The following RBFOX1 variants were observed in gnomAD, a reference collection of about 807,000 sequenced individuals.
The protein encoded by RBFOX1 is RNA binding fox-1 homolog 1.
RBFOX1 carries 8 observed loss-of-function variants against 57.7 expected under a neutral mutation model. The observed-to-expected ratio is 0.14, with a 90% confidence interval of 0.08 to 0.25. RBFOX1 has a LOEUF of 0.25. Among genes scored for constraint, RBFOX1 ranks in the 10% least tolerant of loss-of-function variants. RBFOX1 has a pLI of 1.00. For missense variants in RBFOX1, 611 were observed against 548.5 expected (o/e 1.11, Z -1.14); for synonymous variants, 326 against 222.4 (o/e 1.47, Z -4.15).
downstream of RBFOX1, among the ~76,000 whole-genome samples, chr16:5,603,617 A>G (rs1037901060): frequency 5.9e-5 from 9 of 152,208 alleles, no homozygotes; most frequent in African/African-American, 2.2e-4. Context: ...CCCTCGATAC[A>G]TCAAATACAG....
intron 4 of RBFOX1, among the ~76,000 whole-genome samples, chr16:7,115,908 C>A (rs910653177): frequency 3.9e-5 from 6 of 152,114 alleles, no homozygotes; most frequent in Non-Finnish European, 7.4e-5. Context: ...AGCAGTGATG[C>A]GTATAATAGG....
chr16:6,691,985 A>AT (rs1480539356), intron 3 of RBFOX1, among the ~76,000 whole-genome samples: 8 of 152,020 alleles, frequency 5.3e-5, no homozygotes, highest in Non-Finnish European at 1.2e-4. Flanking sequence ...AGGGACATGG[A>AT]TTTTTCCCCT....
chr16:6,382,581 TG>T (rs1317316091), intron 2 of RBFOX1, among the ~76,000 whole-genome samples: 1 of 152,146 alleles, frequency 6.6e-6, no homozygotes, highest in East Asian at 1.9e-4. Context: ...CTTTTAAGAC[TG>T]GGTGCAGTGG....
chr16:6,929,277 G>A (rs1433348435), intron 3 of RBFOX1, among the ~76,000 whole-genome samples: 1 of 152,140 alleles, frequency 6.6e-6, no homozygotes, highest in Admixed American at 6.5e-5. Context: ...TGGATTAGAG[G>A]TAGGAAACTG....
At chr16:7,665,759 T>C (rs954490002) in intron 13 of RBFOX1, among the ~76,000 whole-genome samples, 1 of 152,174 alleles carries the variant, frequency 6.6e-6, no homozygotes, top group African/African-American at 2.4e-5. Flanking sequence ...AAATCACAAT[T>C]TTTATTACAA....
At chr16:5,787,307 C>T (rs942442365) in intron 3 of RBFOX1, among the ~76,000 whole-genome samples, 5 of 152,140 alleles carry the variant, frequency 3.3e-5, no homozygotes, top group African/African-American at 1.2e-4. Flanking sequence ...TCAGAGGTGT[C>T]CTCCAGTGCA....
At chr16:5,693,372 A>AC (rs1555502864) in intron 3 of RBFOX1, among the ~76,000 whole-genome samples, 5 of 151,926 alleles carry the variant, frequency 3.3e-5, no homozygotes, top group East Asian at 3.9e-4. Context: ...CAGATCAAAA[A>AC]AAAAACAAAA....
intron 1 of RBFOX1, among the ~76,000 whole-genome samples, chr16:5,464,270 G>T (rs1158895641): frequency 6.6e-6 from 1 of 152,270 alleles, no homozygotes; most frequent in African/African-American, 2.4e-5. Flanking sequence ...GAACTGCACA[G>T]TCAGGGGTCC....
chr16:7,245,013 G>A (rs1020888976), intron 4 of RBFOX1, among the ~76,000 whole-genome samples: 1 of 152,164 alleles, frequency 6.6e-6, no homozygotes, highest in African/African-American at 2.4e-5. Context: ...CTCCTCAGCT[G>A]CATACCATTT....
chr16:6,119,841 A>G (rs1376048203), intron 1 of RBFOX1, among the ~76,000 whole-genome samples: 1 of 152,164 alleles, frequency 6.6e-6, no homozygotes, highest in African/African-American at 2.4e-5. Context: ...GGAATTTAGC[A>G]CATTCGTAAT....
rs1377375043 is a variant in RBFOX1 at position 7,621,031 on chromosome 16, A to G, written c.677-9572A>G. Among the ~76,000 whole-genome samples, 3 of 152,206 alleles carry G rather than the reference A, an allele frequency of 2.0e-5. No individual in the cohort carries two copies. The East Asian group carries it at 5.9e-4, about 30-fold the overall frequency. ...CCCTGGAAGCCTATGAGAAATGCAG[A>G]GTCTCAGGCCCCACCCCAGACCCCC... On this transcript the variant is annotated intron_variant, in intron 10 of 15. Transcript: ENST00000550418.
At chr16:7,675,577 A>G (rs1267788703) in intron 13 of RBFOX1, among the ~76,000 whole-genome samples, 1 of 152,236 alleles carries the variant, frequency 6.6e-6, no homozygotes, top group East Asian at 1.9e-4. Context: ...TGTGCAGGAA[A>G]GAGGCAGAAA....
intron 14 of RBFOX1, among the ~76,000 whole-genome samples, chr16:7,688,793 A>G (rs938901093): frequency 1.3e-5 from 2 of 152,116 alleles, no homozygotes; most frequent in African/African-American, 4.8e-5. Flanking sequence ...CCATTTCATA[A>G]TCAAGTTGTT....
At chr16:5,721,043 C>A (rs1044047087) in intron 3 of RBFOX1, among the ~76,000 whole-genome samples, 1 of 152,076 alleles carries the variant, frequency 6.6e-6, no homozygotes, top group African/African-American at 2.4e-5. Context: ...TTAGTATTGT[C>A]TTCTAATCCA....
At chr16:7,466,833 C>T (rs1000223548) in intron 4 of RBFOX1, among the ~76,000 whole-genome samples, 1 of 152,096 alleles carries the variant, frequency 6.6e-6, no homozygotes, top group African/African-American at 2.4e-5. Flanking sequence ...CACCATACTT[C>T]CAAAGGAATA....
intron 4 of RBFOX1, among the ~76,000 whole-genome samples, chr16:7,321,840 C>G (rs566355029): frequency 6.6e-6 from 1 of 152,286 alleles, no homozygotes; most frequent in Admixed American, 6.5e-5. Context: ...AGTTGAAAAT[C>G]CCACCTGTCA....
intron 5 of RBFOX1, among the ~76,000 whole-genome samples, chr16:7,559,027 G>A (rs1041740846): frequency 6.6e-6 from 1 of 152,144 alleles, no homozygotes; most frequent in African/African-American, 2.4e-5. Context: ...AATGAAGAGT[G>A]CCTGGTCTCT....
At chr16:7,622,056 C>G (rs866229824) in intron 10 of RBFOX1, among the ~76,000 whole-genome samples, 1 of 152,092 alleles carries the variant, frequency 6.6e-6, no homozygotes, top group Non-Finnish European at 1.5e-5. Context: ...GCATTCCTAG[C>G]TCACAGACCA....
At chr16:6,309,813 A>C (rs2080016710) in intron 1 of RBFOX1, among the ~76,000 whole-genome samples, 1 of 152,210 alleles carries the variant, frequency 6.6e-6, no homozygotes, top group Admixed American at 6.5e-5. Flanking sequence ...GCCAAATTAA[A>C]TGCAGCAGAA....
Sources: gnomAD v4.1 joint callset for allele counts (sites outside exome capture counted in the v4.1 genomes callset) on GRCh38, gnomAD v4.1.1 for gene constraint, MANE v1.5 for transcripts, NCBI Gene and HGNC (gene_info 2026-07-23, HGNC 2026-07-21) for gene names.